The following TUBGCP6 variants were observed in gnomAD, a reference collection of about 807,000 sequenced individuals.
TUBGCP6 encodes the protein gamma-tubulin complex component 6.
TUBGCP6 carries 161 observed loss-of-function variants against 175.8 expected under a neutral mutation model. The ratio of observed to expected loss-of-function variants is 0.92; its 90% CI spans 0.81 to 1.04. The LOEUF (loss-of-function observed/expected upper bound fraction) is 1.04, where lower values mean the gene tolerates loss of function less well. Ranked by LOEUF, TUBGCP6 falls within the 50% of genes least tolerant of loss-of-function variation. TUBGCP6 has a pLI of 0.00. For synonymous variants in TUBGCP6, 1,173 were observed against 1,030.5 expected (o/e 1.14, Z -2.65); for missense variants, 2,572 against 2,433.0 (o/e 1.06, Z -1.20).
At chr22:50,243,118 C>G (rs1304972359) in intron 1 of TUBGCP6, among the ~76,000 whole-genome samples, 3 of 152,074 alleles carry the variant, frequency 2.0e-5, no homozygotes, top group Admixed American at 1.3e-4. Flanking sequence ...AGTTGGAGAC[C>G]AGCCTGGCCA....
Position 50,221,144 on chromosome 22 carries a change from G to C in TUBGCP6, c.3215C>G (p.Pro1072Arg). Residue 1072 changes from proline to arginine, a missense_variant, in exon 16 of 25, where the codon CCC (proline) becomes CGC (arginine). Transcript: ENST00000248846. ...RVGENVSDVA[P>R]TQPRWNTHGH... is the part of the protein sequence containing the mutation. ...GTGGGTGTTCCACCGTGGCTGGGTG[G>C]GAGCCACATCTGACACATTCTCCCC... 6.2e-7 allele frequency: 1 copy of C among 1,607,890 alleles called. No individual in the cohort carries two copies. Among genetic ancestry groups the C allele is most frequent in the Non-Finnish European group, 8.5e-7 (1 of 1,175,028 alleles).
chr22:50,237,909 C>T (rs553308773), intron 2 of TUBGCP6, among the ~76,000 whole-genome samples: 20 of 152,140 alleles, frequency 1.3e-4, no homozygotes, highest in Non-Finnish European at 2.6e-4. Flanking sequence ...GATCACCTGA[C>T]GGTGGGAGTT....
rs1351809049 is a variant in TUBGCP6 at position 50,222,041 on chromosome 22, C to T, written c.2471G>A (p.Ser824Asn). The T allele has an allele frequency of 6.2e-6, 10 of 1,613,876 alleles. No individual in the cohort carries two copies. Among genetic ancestry groups the T allele is most frequent in the South Asian group, 1.1e-5 (1 of 91,070 alleles). Residue 824 changes from serine (S) to asparagine (N), a missense_variant, in exon 15 of 25, where the codon AGC (serine) becomes AAC (asparagine). Physicochemically the swap from Ser to Asn is conservative, Grantham distance 46. Coordinates refer to ENST00000248846, the MANE Select transcript of TUBGCP6 (RefSeq NM_020461.4). ...TCTGCCGCTTACCTGGGGGTGCACG[C>T]TCAAGAGGACGTCTGGCGGCTCCTG... ...QPQEPPDVLLSVHPQVTSPGP... is the reference protein window; with the variant it reads ...QPQEPPDVLLNVHPQVTSPGP...
chr22:50,221,385 T>G lies in TUBGCP6; in HGVS notation c.2974A>C (p.Met992Leu). ...LQLWEDSCGK[M>L]DACGSASRET... is the part of the protein sequence containing the mutation. ...CGCGAGGCGGAGCCACAGGCATCCA[T>G]CTTCCCACAACTGTCCTCCCACAGC... The change falls in exon 16 of 25, where the codon ATG (methionine) becomes CTG (leucine). Residue 992 changes from methionine (M) to leucine (L), a missense_variant. Met to Leu is a conservative substitution (Grantham distance 15). Coordinates refer to ENST00000248846, the MANE Select transcript of TUBGCP6 (RefSeq NM_020461.4). The G allele has an allele frequency of 6.2e-7, 1 of 1,609,008 alleles. No homozygotes were observed.
intron 3 of TUBGCP6, 88 bp downstream of exon 3, chr22:50,233,228 C>T (rs2064716189): frequency 2.7e-6 from 4 of 1,473,046 alleles, no homozygotes; most frequent in Admixed American, 4.0e-5. Context: ...TGCACTGGGG[C>T]TTGTTCTGCC....
chr22:50,220,525 C>A lies in TUBGCP6; in HGVS notation c.3834G>T (p.Val1278=). ...THVPIPPPHM[V]LGALSPEAEP... is the part of the protein sequence containing the mutation. ...CAGCTTCTGGTGAGAGAGCCCCCAG[C>A]ACCATGTGGGGCGGAGGGATGGGTA... Residue 1278 remains valine, a synonymous_variant, in exon 16 of 25, where the codon GTG becomes GTT. Transcript: ENST00000248846. 6.2e-7 allele frequency: 1 copy of A among 1,613,512 alleles called. No homozygotes were observed. Among genetic ancestry groups the A allele is most frequent in the Non-Finnish European group, 8.5e-7 (1 of 1,180,014 alleles).
At chr22:50,225,605 AACTCCCC>A (rs1569115684) in intron 10 of TUBGCP6, among the ~76,000 whole-genome samples, 182 bp downstream of exon 10, 18 of 65,392 alleles carry the variant, frequency 2.8e-4, no homozygotes, top group African/African-American at 5.9e-4. Flanking sequence ...CCTTCATCTC[AACTCCCC>A]GTTGACACCC....
At chr22:50,223,176 T>A (rs981428726) in intron 13 of TUBGCP6, 2 of 154,416 alleles carry the variant, frequency 1.3e-5, no homozygotes, top group Admixed American at 1.3e-4. Context: ...AACAGGACAG[T>A]ATCGACTGAC....
chr22:50,218,408 G>GGAGGGCAGAAGGCA lies in TUBGCP6; in HGVS notation c.4955-20_4955-7dup. ...GGCCATGTGGCTCAGCAGGGCTGGC[G>GGAGGGCAGAAGGCA]GAGGGCAGAAGGCAGAGGGCAGAGG... On this transcript the variant is annotated splice_region_variant and splice_polypyrimidine_tract_variant and intron_variant, in intron 22 of 24. Coordinates refer to ENST00000248846, the MANE Select transcript of TUBGCP6 (RefSeq NM_020461.4). 3 of 1,612,788 alleles carry GGAGGGCAGAAGGCA rather than the reference G, an allele frequency of 1.9e-6. No individual in the cohort carries two copies. The highest frequency in any genetic ancestry group is 1.7e-5 in the Admixed American group (1 of 60,016).
intron 4 of TUBGCP6, among the ~76,000 whole-genome samples, chr22:50,229,039 C>T (rs545896473): frequency 6.6e-6 from 1 of 152,296 alleles, no homozygotes; most frequent in Non-Finnish European, 1.5e-5. Flanking sequence ...TGTAAATTCA[C>T]CCAACAGGAG....
At chr22:50,224,659 C>G in intron 10 of TUBGCP6, 67 bp from the exon 11 acceptor site, 4 of 1,548,870 alleles carry the variant, frequency 2.6e-6, no homozygotes, top group Non-Finnish European at 3.5e-6. Flanking sequence ...GTAATCCTGG[C>G]ACTTTGGGAG....
At chr22:50,236,293 G>T (rs1473626607) in intron 2 of TUBGCP6, among the ~76,000 whole-genome samples, 1 of 152,034 alleles carries the variant, frequency 6.6e-6, no homozygotes, top group Non-Finnish European at 1.5e-5. Context: ...GGGCCACCAT[G>T]CCTGGCTAAT....
chr22:50,227,835 A>G, intron 5 of TUBGCP6, 72 bp downstream of exon 5: 1 of 1,536,944 alleles, frequency 6.5e-7, no homozygotes, highest in Non-Finnish European at 8.8e-7. Context: ...AGCAGGGCAA[A>G]CCCTCCACCA....
chr22:50,220,612 G>A lies in TUBGCP6; in HGVS notation c.3747C>T (p.Ser1249=). The change falls in exon 16 of 25, where the codon AGC becomes AGT. Residue 1249 remains serine, a synonymous_variant. Coordinates refer to ENST00000248846, the MANE Select transcript of TUBGCP6 (RefSeq NM_020461.4). ...CNTHGHVSDA[S]ISLGEPVSDV... ...CCGACACAGGCTCCCCCAAGCTGAT[G>A]CTGGCGTCGGACACGTGTCCATGGG... 6.2e-7 allele frequency: 1 copy of A among 1,613,224 alleles called. No individual in the cohort carries two copies. The highest frequency in any genetic ancestry group is 1.7e-4 in the Middle Eastern group (1 of 6,056).
rs751701414 is a variant in TUBGCP6 at position 50,221,649 on chromosome 22, G to A, written c.2710C>T (p.Pro904Ser). The change falls in exon 16 of 25, where the codon CCA (proline) becomes TCA (serine). Residue 904 changes from proline to serine, a missense_variant. Pro to Ser is a moderately conservative substitution (Grantham distance 74, BLOSUM62 -1). Coordinates refer to ENST00000248846, the MANE Select transcript of TUBGCP6 (RefSeq NM_020461.4). ...LSIGDFLPVG[P>S]GAEPSVQTGM... ...GTCTGCACGGACGGCTCAGCCCCTG[G>A]GCCCACAGGTAGGAAGTCTCCAATG... 12 of 1,524,172 alleles carry A rather than the reference G, an allele frequency of 7.9e-6. No homozygotes were observed. The Admixed American group carries it at 1.9e-4, about 25-fold the overall frequency. The allele number at this position is 1,524,172 out of a possible 1,614,324, so 94.4% of individuals were successfully genotyped here.
In TUBGCP6 at chr22:50,243,705, A is replaced by C. The variant is rs1259376980; in HGVS notation, c.741+14T>G. The C allele has an allele frequency of 1.3e-6, 2 of 1,587,334 alleles. No individual in the cohort carries two copies. Among genetic ancestry groups the C allele is most frequent in the Non-Finnish European group, 1.7e-6 (2 of 1,163,384 alleles). On this transcript the variant is annotated intron_variant, in intron 1 of 24. Coordinates refer to ENST00000248846, the MANE Select transcript of TUBGCP6 (RefSeq NM_020461.4). Reference sequence around the variant, plus strand: ...CCCCGAGAGAGATGAAAGAGGAAAAACTAAACATTCTACCTTAATAGCCAG... The same window carrying C: ...CCCCGAGAGAGATGAAAGAGGAAAACCTAAACATTCTACCTTAATAGCCAG...
chr22:50,219,088 T>C lies in TUBGCP6; in HGVS notation c.4606A>G (p.Ser1536Gly), dbSNP rs2064468845. ...GCCACCTTCTCAAAGAGCAGGTCGC[T>C]GAGGGACTGGGCGAACTCGCCGTCC... Reference protein sequence around the residue: ...MEDGEFAQSLSDLLFEKLGAG... With the variant: ...MEDGEFAQSLGDLLFEKLGAG... The change falls in exon 20 of 25, where the codon AGC (serine) becomes GGC (glycine). Residue 1536 changes from serine to glycine, a missense_variant. Physicochemically the swap from Ser to Gly is moderately conservative, Grantham distance 56 (BLOSUM62 0). Transcript: ENST00000248846. 6.2e-7 allele frequency: 1 copy of C among 1,612,698 alleles called. No homozygotes were observed. The highest frequency in any genetic ancestry group is 8.5e-7 in the Non-Finnish European group (1 of 1,179,972).
In TUBGCP6 at chr22:50,229,530, C is replaced by T. The variant is rs532947239; in HGVS notation, c.1164G>A (p.Ala388=). ...VVKRGVHVSG[A]SPESISSLLS... The stretch of plus-strand genomic sequence containing the variant: ...GCAGGCTGCTGATGCTCTCGGGAGA[C>T]GCTCCTGACACGTGGACGCCCCGCT... The change falls in exon 4 of 25, where the codon GCG becomes GCA. Residue 388 remains alanine, a synonymous_variant. Transcript: ENST00000248846. 17 of 1,605,758 alleles carry T rather than the reference C, an allele frequency of 1.1e-5. No homozygotes were observed. Among genetic ancestry groups the T allele is most frequent in the African/African-American group, 6.7e-5 (5 of 74,832 alleles).
Position 50,226,351 on chromosome 22 carries a change from C to T in TUBGCP6, c.1629G>A (p.Gly543=). The T allele has an allele frequency of 6.2e-7, 1 of 1,612,366 alleles. No homozygotes were observed. The highest frequency in any genetic ancestry group is 8.5e-7 in the Non-Finnish European group (1 of 1,179,308). The part of the protein sequence containing the change: ...TRFIHDWVYS[G]VFRDAYGEFM... ...ACTCGCCATAAGCGTCTCTGAACAC[C>T]CCGCTGTACACCCAGTCGTGGATGA... The change falls in exon 8 of 25, where the codon GGG becomes GGA. Residue 543 remains glycine (G), a synonymous_variant. Coordinates refer to ENST00000248846, the MANE Select transcript of TUBGCP6 (RefSeq NM_020461.4).
Sources: gnomAD v4.1 joint callset for allele counts (sites outside exome capture counted in the v4.1 genomes callset) on GRCh38, gnomAD v4.1.1 for gene constraint, MANE v1.5 for transcripts, NCBI Gene and HGNC (gene_info 2026-07-23, HGNC 2026-07-21) for gene names.